CHEK2: variants seen among roughly 807,000 people sequenced by gnomAD.
CHEK2 encodes serine/threonine-protein kinase Chk2.
CHEK2 carries 71 observed loss-of-function variants against 69.1 expected under a neutral mutation model. The observed-to-expected ratio is 1.03, with a 90% CI of 0.85 to 1.25. The LOEUF (loss-of-function observed/expected upper bound fraction) is 1.25. CHEK2 is among the 50% of genes most tolerant of loss of function. The pLI, the probability that CHEK2 is intolerant of heterozygous loss-of-function variation, is 0.00. For missense variants in CHEK2, 664 were observed against 649.6 expected, an observed-to-expected ratio of 1.02 and a Z score of -0.24; for synonymous variants, 189 against 226.9, an observed-to-expected ratio of 0.83 and a Z score of 1.50.
intron 7 of CHEK2, chr22:28,709,037 A>T (rs888196397): frequency 1.1e-5 from 4 of 376,450 alleles, no homozygotes; most frequent in Middle Eastern, 3.7e-4. Context: ...TCTTGCCTTG[A>T]GTTTAATGCC....
At chr22:28,707,583 C>T (rs1315507921) in intron 7 of CHEK2, among the ~76,000 whole-genome samples, 6 of 152,226 alleles carry the variant, frequency 3.9e-5, no homozygotes, top group Admixed American at 3.9e-4. Flanking sequence ...CAATCTCTGA[C>T]TCCAAAGGTC....
chr22:28,687,931 G>A lies in CHEK2; in HGVS notation c.1598C>T (p.Thr533Ile), dbSNP rs1569102119. 6.3e-7 allele frequency: 1 copy of A among 1,596,438 alleles called. No individual in the cohort carries two copies. The highest frequency in any genetic ancestry group is 1.1e-5 in the South Asian group (1 of 90,996). Residue 533 changes from threonine to isoleucine, a missense_variant, in exon 15 of 15, where the codon ACA becomes ATA. Physicochemically the swap from Thr to Ile is moderately conservative, Grantham distance 89. Transcript: ENST00000404276. Reference sequence around the variant, plus strand: ...AGCAGCACACACAGCTGGGCGCTTTGTGGTCTCGGCACCCTCGGCTTCCCC... The same window carrying A: ...AGCAGCACACACAGCTGGGCGCTTTATGGTCTCGGCACCCTCGGCTTCCCC... Reference protein sequence around the residue: ...REGEAEGAETTKRPAVCAAVL With the variant: ...REGEAEGAETIKRPAVCAAVL
Position 28,702,261 on chromosome 22 carries a change from C to T in CHEK2, c.908+1244G>A, listed in dbSNP as rs1213439855. 1.1e-4 allele frequency among the ~76,000 whole-genome samples: 16 copies of T among 144,538 alleles called. No individual in the cohort carries two copies. In the East Asian group the frequency reaches 1.9e-3, roughly 17 times the overall value. 94.8% of individuals were successfully genotyped at this position (144,538 alleles called of 152,430 possible). A position where few individuals can be genotyped will look rare whatever the true frequency, so the allele number is the denominator to read the frequency against. On this transcript the variant is annotated intron_variant, in intron 8 of 14. Coordinates refer to ENST00000404276, the MANE Select transcript of CHEK2 (RefSeq NM_007194.4). Reference sequence around the variant, plus strand: ...TTTTTTTTTTTAATTTTTTTTGAAACGGAGTCTCGCTCTGTCACCCAGGCT... The same window carrying T: ...TTTTTTTTTTTAATTTTTTTTGAAATGGAGTCTCGCTCTGTCACCCAGGCT...
rs12165489 is a variant in CHEK2 at position 28,694,780 on chromosome 22, A to C, written c.1375+347T>G. ...CTTGTAACTAAAAAGTTACAAGTGC[A>C]TTTATTTTGCTCACTAAAATAGGTA... On this transcript the variant is annotated intron_variant, in intron 12 of 14. Coordinates refer to ENST00000404276, the MANE Select transcript of CHEK2 (RefSeq NM_007194.4). Among the ~76,000 whole-genome samples, 18,119 of 152,218 alleles carry C rather than the reference A, an allele frequency of 0.12. 1,196 individuals are homozygous for C. Among genetic ancestry groups the C allele is most frequent in the African/African-American group, 0.13 (5,595 of 41,534 alleles).
At chr22:28,697,935 T>C (rs2145825216) in intron 9 of CHEK2, among the ~76,000 whole-genome samples, 1 of 152,048 alleles carries the variant, frequency 6.6e-6, no homozygotes, top group South Asian at 2.1e-4. Context: ...TTCATGTTAA[T>C]ATTCTTGGTT....
chr22:28,708,361 A>ATGTGTGTGTGTGTGTGTGTGTGTGTG (rs200869651), intron 7 of CHEK2, among the ~76,000 whole-genome samples: 1 of 104,384 alleles, frequency 9.6e-6, no homozygotes, highest in Non-Finnish European at 2.0e-5. Context: ...GTCTCTAAAA[A>ATGTGTGTGTGTGTGTGTGTGTGTGTG]TATGTGTGTG....
intron 2 of CHEK2, chr22:28,726,469 ATTTAT>A (rs945878323): frequency 2.7e-5 from 4 of 146,492 alleles, no homozygotes; most frequent in Non-Finnish European, 6.0e-5. Context: ...TGTTATATAA[ATTTAT>A]TTTATAAGTT....
rs1337668280 is a variant in CHEK2, at chr22:28,695,950, A to G, written c.1096-77T>C. On this transcript the variant is annotated intron_variant, in intron 10 of 14. Transcript: ENST00000404276. Reference sequence around the variant, plus strand: ...GATTAACATAGTCTGCCAGTCCAAGAAGACACGTAGGCTAGATCAGTTTCT... The same window carrying G: ...GATTAACATAGTCTGCCAGTCCAAGGAGACACGTAGGCTAGATCAGTTTCT... 9 of 1,144,500 alleles carry G rather than the reference A, an allele frequency of 7.9e-6. No homozygotes were observed. The Admixed American group carries it at 1.4e-4, about 18-fold the overall frequency. 70.9% of individuals were successfully genotyped at this position (1,144,500 alleles called of 1,614,324 possible).
At chr22:28,738,621 G>A (rs1204580725) in intron 1 of CHEK2, among the ~76,000 whole-genome samples, 1 of 152,152 alleles carries the variant, frequency 6.6e-6, no homozygotes, top group African/African-American at 2.4e-5. Context: ...AAAAACCAAA[G>A]TGAGGGCAGC....
intron 1 of CHEK2, among the ~76,000 whole-genome samples, chr22:28,739,202 G>A (rs1308874409): frequency 6.6e-6 from 1 of 151,936 alleles, no homozygotes; most frequent in African/African-American, 2.4e-5. Flanking sequence ...CTCAGGAGAC[G>A]GAGACGGAGG....
Position 28,734,536 on chromosome 22 carries a change from G to A in CHEK2, c.186C>T (p.Ser62=), listed in dbSNP as rs786203025. The part of the protein sequence containing the change: ...SSHSSSGTLS[S]LETVSTQELY... ...GTTCCTGAGTGGACACTGTCTCTAA[G>A]GAGCTCAGTGTCCCAGAGCTGGAGT... The change falls in exon 2 of 15, where the codon TCC becomes TCT. Residue 62 remains serine (S), a synonymous_variant. Transcript: ENST00000404276. The A allele has an allele frequency of 6.2e-7, 1 of 1,613,938 alleles. No individual in the cohort carries two copies. Among genetic ancestry groups the A allele is most frequent in the Non-Finnish European group, 8.5e-7 (1 of 1,179,968 alleles).
chr22:28,725,445 T>A, intron 2 of CHEK2, 78 bp from the exon 3 acceptor site: 1 of 1,555,052 alleles, frequency 6.4e-7, no homozygotes, highest in Non-Finnish European at 8.9e-7. Context: ...TAAATGCTAA[T>A]TGTAGGAAAA....
intron 2 of CHEK2, among the ~76,000 whole-genome samples, chr22:28,726,569 A>T: frequency 6.9e-6 from 1 of 145,830 alleles, no homozygotes; most frequent in East Asian, 2.0e-4. Context: ...ATATATAATA[A>T]TATATAATAT....
rs1555913946 is a variant in CHEK2 at position 28,695,883 on chromosome 22, A to G, written c.1096-10T>C. On this transcript the variant is annotated splice_polypyrimidine_tract_variant and intron_variant, in intron 10 of 14. Coordinates refer to ENST00000404276, the MANE Select transcript of CHEK2 (RefSeq NM_007194.4). Reference sequence around the variant, plus strand: ...GCCCAAAATCAGTAATCTAAAATTCAGTACAAAAGGGAATAATGTTGAACT... The same window carrying G: ...GCCCAAAATCAGTAATCTAAAATTCGGTACAAAAGGGAATAATGTTGAACT... The G allele has an allele frequency of 9.4e-6, 15 of 1,603,336 alleles. No individual in the cohort carries two copies. The highest frequency in any genetic ancestry group is 1.0e-5 in the Non-Finnish European group (12 of 1,170,146).
chr22:28,729,385 A>G (rs2054116416), intron 2 of CHEK2: 1 of 168,414 alleles, frequency 5.9e-6, no homozygotes, highest in Non-Finnish European at 1.3e-5. Context: ...TACTAAAAAT[A>G]CAAAAAATTA....
intron 1 of CHEK2, among the ~76,000 whole-genome samples, chr22:28,736,780 G>A (rs959344353): frequency 2.6e-4 from 8 of 31,200 alleles, no homozygotes; most frequent in Admixed American, 1.7e-3. Context: ...CCCGCCCCCC[G>A]TACAAAAAAT....
intron 1 of CHEK2, among the ~76,000 whole-genome samples, chr22:28,739,428 G>A (rs1028325497): frequency 6.6e-6 from 1 of 151,776 alleles, no homozygotes; most frequent in Non-Finnish European, 1.5e-5. Flanking sequence ...AGTGGCTCAT[G>A]CCTGTAATCC....
At chr22:28,727,004 C>T (rs1279345825) in intron 2 of CHEK2, among the ~76,000 whole-genome samples, 1 of 151,912 alleles carries the variant, frequency 6.6e-6, no homozygotes, top group East Asian at 1.9e-4. Flanking sequence ...ACTATCTACA[C>T]AACACTATCT....
chr22:28,709,028 C>G (rs542699459), intron 7 of CHEK2: 1 of 388,428 alleles, frequency 2.6e-6, no homozygotes, highest in African/African-American at 2.2e-5. Flanking sequence ...GGAGAGAGAT[C>G]TTGCCTTGAG....
Sources: allele counts gnomAD v4.1 joint callset (sites outside exome capture counted in the v4.1 genomes callset), GRCh38; gene constraint gnomAD v4.1.1; transcripts MANE v1.5; gene names NCBI Gene and HGNC (gene_info 2026-07-23, HGNC 2026-07-21).